R3HCC1L: variants seen among roughly 807,000 people sequenced by gnomAD.
R3HCC1L encodes R3H domain and coiled-coil containing 1 like.
In R3HCC1L, 51 loss-of-function variants were observed where a neutral mutation model predicts 59.9. That is an observed-to-expected ratio of 0.85 (90% CI 0.68 to 1.07). The LOEUF is 1.07. Among genes scored for constraint, R3HCC1L ranks in the 50% least tolerant of loss-of-function variants. The pLI is 0.00. For synonymous variants in R3HCC1L, 322 were observed against 315.2 expected (o/e 1.02, Z -0.23); for missense variants, 965 against 933.0 (o/e 1.03, Z -0.45).
At chr10:98,144,340 C>T (rs1023706153) in intron 1 of R3HCC1L, among the ~76,000 whole-genome samples, 2 of 151,886 alleles carry the variant, frequency 1.3e-5, no homozygotes, top group Non-Finnish European at 2.9e-5. Flanking sequence ...CTCAGCTTTC[C>T]GAGTAGCTGG....
chr10:98,182,575 G>A (rs1359595607), intron 4 of R3HCC1L, among the ~76,000 whole-genome samples: 2 of 152,202 alleles, frequency 1.3e-5, no homozygotes, highest in African/African-American at 4.8e-5. Context: ...CTTCAGAGCT[G>A]TCAGACAGGA....
chr10:98,233,945 T>A (rs933259342), intron 6 of R3HCC1L, among the ~76,000 whole-genome samples: 12 of 152,270 alleles, frequency 7.9e-5, no homozygotes, highest in African/African-American at 1.7e-4. Flanking sequence ...TTGACTTTTT[T>A]AAAAAAATTG....
In R3HCC1L at chr10:98,171,050, C is replaced by T. The variant is rs541026180; in HGVS notation, c.-15+7653C>T. ...TTAATTATTTGTGGCCACCTTCCTT[C>T]CCCAAAACACATAGGCATGCACACA... On this transcript the variant is annotated intron_variant, in intron 4 of 9. Transcript: ENST00000298999. Among the ~76,000 whole-genome samples the T allele has an allele frequency of 5.3e-5, 8 of 152,290 alleles. No homozygotes were observed. In the East Asian group the frequency reaches 1.5e-3, roughly 29 times the overall value.
intron 4 of R3HCC1L, among the ~76,000 whole-genome samples, chr10:98,183,048 A>G (rs1849814223): frequency 6.6e-6 from 1 of 152,098 alleles, no homozygotes; most frequent in South Asian, 2.1e-4. Flanking sequence ...GGCTGCACCC[A>G]CTGTCCAACC....
At chr10:98,225,507 T>G (rs1319820383) in intron 5 of R3HCC1L, among the ~76,000 whole-genome samples, 1 of 152,242 alleles carries the variant, frequency 6.6e-6, no homozygotes, top group Admixed American at 6.5e-5. Context: ...GAAATGTAAG[T>G]TGATCTCAAC....
In R3HCC1L at chr10:98,204,071, A is replaced by G. The variant is rs539552556; in HGVS notation, c.-14-4030A>G. 3.5e-4 allele frequency among the ~76,000 whole-genome samples: 53 copies of G among 152,308 alleles called. 1 individual carries two copies. The highest frequency in any genetic ancestry group is 1.3e-3 in the African/African-American group (53 of 41,564). On this transcript the variant is annotated intron_variant, in intron 4 of 9. Coordinates refer to ENST00000298999, the MANE Select transcript of R3HCC1L (RefSeq NM_001351015.2). ...TTAAGAAGCAAATTAGATGGATAAA[A>G]AGCACTTAGAACATTGCGAAAAAGT...
intron 5 of R3HCC1L, among the ~76,000 whole-genome samples, chr10:98,231,297 A>G (rs150489143): frequency 6.8e-4 from 104 of 152,308 alleles, no homozygotes; most frequent in African/African-American, 2.2e-3. Flanking sequence ...TGGAATTTCA[A>G]CACTTTTTCA....
chr10:98,211,285 T>C, intron 5 of R3HCC1L: 1 of 1,406,476 alleles, frequency 7.1e-7, no homozygotes, highest in Non-Finnish European at 9.7e-7. Flanking sequence ...CCCAGCAAAC[T>C]GTCTATTTAC....
chr10:98,209,682 G>C lies in R3HCC1L; in HGVS notation c.1568G>C (p.Arg523Thr), dbSNP rs77532805. The C allele has an allele frequency of 6.2e-7, 1 of 1,613,972 alleles. No individual in the cohort carries two copies. The highest frequency in any genetic ancestry group is 1.7e-5 in the Admixed American group (1 of 60,008). Reference protein sequence around the residue: ...GDTTEALHELRTAEEFKTEEQ... With the variant: ...GDTTEALHELTTAEEFKTEEQ... ...ACAACAGAAGCATTGCACGAACTAA[G>C]AACTGCCGAAGAGTTCAAAACAGAA... The change falls in exon 5 of 10, where the codon AGA becomes ACA. Residue 523 changes from arginine to threonine, a missense_variant. Transcript: ENST00000298999.
At chr10:98,182,050 T>C (rs1039892371) in intron 4 of R3HCC1L, among the ~76,000 whole-genome samples, 2 of 152,230 alleles carry the variant, frequency 1.3e-5, no homozygotes, top group African/African-American at 2.4e-5. Context: ...AGCTTTGTTC[T>C]GTTGCTGGCA....
chr10:98,240,709 G>T (rs1356834065), intron 9 of R3HCC1L, among the ~76,000 whole-genome samples: 1 of 151,814 alleles, frequency 6.6e-6, no homozygotes, highest in Non-Finnish European at 1.5e-5. Context: ...TTAAAGGGCA[G>T]TGTGGCATTG....
At chr10:98,136,313 A>G (rs2133800431) in intron 1 of R3HCC1L, among the ~76,000 whole-genome samples, 1 of 152,308 alleles carries the variant, frequency 6.6e-6, no homozygotes, top group Middle Eastern at 3.4e-3. Context: ...TACAAATTCG[A>G]GCAAATTTGA....
intron 4 of R3HCC1L, among the ~76,000 whole-genome samples, chr10:98,205,647 C>A (rs1186541008): frequency 6.6e-6 from 1 of 152,070 alleles, no homozygotes; most frequent in Non-Finnish European, 1.5e-5. Flanking sequence ...CAGTCGAAAT[C>A]ATTGCTTTGG....
At chr10:98,229,801 A>G (rs536221651) in intron 5 of R3HCC1L, among the ~76,000 whole-genome samples, 30 of 152,260 alleles carry the variant, frequency 2.0e-4, no homozygotes, top group South Asian at 6.2e-4. Context: ...GGGTTGTTGA[A>G]TTTTGTCAAA....
intron 1 of R3HCC1L, among the ~76,000 whole-genome samples, chr10:98,140,175 C>G (rs1440118275): frequency 1.3e-5 from 2 of 151,936 alleles, no homozygotes; most frequent in Non-Finnish European, 2.9e-5. Flanking sequence ...CCATGGAATG[C>G]CAGAAGACTA....
At chr10:98,179,533 T>A (rs1849410333) in intron 4 of R3HCC1L, among the ~76,000 whole-genome samples, 1 of 152,198 alleles carries the variant, frequency 6.6e-6, no homozygotes, top group Admixed American at 6.5e-5. Flanking sequence ...TCTTTTTTTG[T>A]TGTGTCTCTG....
intron 5 of R3HCC1L, among the ~76,000 whole-genome samples, chr10:98,230,216 T>G (rs1856204926): frequency 6.6e-6 from 1 of 152,144 alleles, no homozygotes; most frequent in African/African-American, 2.4e-5. Context: ...GGTCCTGGAC[T>G]TTTTTTGGTT....
At chr10:98,176,370 A>G (rs1371624951) in intron 4 of R3HCC1L, among the ~76,000 whole-genome samples, 1 of 152,188 alleles carries the variant, frequency 6.6e-6, no homozygotes, top group African/African-American at 2.4e-5. Flanking sequence ...TATCTTAAAT[A>G]TTGAGGCATC....
At position 98,135,643 on chromosome 10, in the gene R3HCC1L, C is replaced by T. The variant is rs997972859; in HGVS notation, c.-268+937C>T. Among the ~76,000 whole-genome samples the T allele has an allele frequency of 3.3e-5, 5 of 152,186 alleles. 1 individual carries two copies. The highest frequency in any genetic ancestry group is 1.9e-4 in the East Asian group (1 of 5,198). On this transcript the variant is annotated intron_variant, in intron 1 of 9. Coordinates refer to ENST00000298999, the MANE Select transcript of R3HCC1L (RefSeq NM_001351015.2). ...TCTGAACCATACAGATGTTTTTATG[C>T]CAGGTTCCTAGTGAAGAGGTGACCT...
Sources: gnomAD v4.1 joint callset for allele counts (sites outside exome capture counted in the v4.1 genomes callset) on GRCh38, gnomAD v4.1.1 for gene constraint, MANE v1.5 for transcripts, NCBI Gene and HGNC (gene_info 2026-07-23, HGNC 2026-07-21) for gene names.